The following DLGAP4 variants were observed in gnomAD, a reference collection of about 807,000 sequenced individuals.
The protein encoded by DLGAP4 is disks large-associated protein 4.
In DLGAP4, 18 loss-of-function variants were observed where a neutral mutation model predicts 86.9. The ratio of observed to expected loss-of-function variants is 0.21; its 90% CI spans 0.14 to 0.31. The LOEUF (loss-of-function observed/expected upper bound fraction) is 0.31. Ranked by LOEUF, DLGAP4 falls within the 10% of genes least tolerant of loss-of-function variation. The probability of loss-of-function intolerance (pLI) is 1.00; values close to 1 mark genes in which losing one functional copy is unlikely to be tolerated. For missense variants in DLGAP4, 1,085 were observed against 1,362.6 expected (o/e 0.80, Z 3.21); for synonymous variants, 548 against 574.3 (o/e 0.95, Z 0.65).
chr20:36,324,680 T>C (rs1282592129), intron 1 of DLGAP4, among the ~76,000 whole-genome samples: 2 of 152,220 alleles, frequency 1.3e-5, no homozygotes, highest in African/African-American at 4.8e-5. Context: ...TCCTCAGTTC[T>C]GTTCCATTGA....
intron 7 of DLGAP4, among the ~76,000 whole-genome samples, chr20:36,457,498 AG>A (rs2033908412): frequency 6.7e-6 from 1 of 150,204 alleles, no homozygotes; most frequent in Non-Finnish European, 1.5e-5. Flanking sequence ...CTCCTGCTTC[AG>A]CCTCCTGAGT....
At chr20:36,417,870 C>T (rs1281782995) in intron 2 of DLGAP4, among the ~76,000 whole-genome samples, 2 of 151,950 alleles carry the variant, frequency 1.3e-5, no homozygotes, top group African/African-American at 4.8e-5. Flanking sequence ...CTGAAACCTC[C>T]ACCTCCCAAG....
At chr20:36,523,485 A>C (rs1217344472) in intron 10 of DLGAP4, among the ~76,000 whole-genome samples, 1 of 152,194 alleles carries the variant, frequency 6.6e-6, no homozygotes, top group Non-Finnish European at 1.5e-5. Flanking sequence ...CTGCTCTCAG[A>C]GTTCTTAAAA....
At position 36,432,732 on chromosome 20, in the gene DLGAP4, G is replaced by T. The variant is rs1348614015; in HGVS notation, c.999+16G>T. The T allele has an allele frequency of 1.9e-6, 3 of 1,610,788 alleles. No homozygotes were observed. The highest frequency in any genetic ancestry group is 2.7e-5 in the African/African-American group (2 of 74,892). Reference sequence around the variant, plus strand: ...TTACCTGCAGGTGGGTCTCTGGCAGGGTCAGGGGTGGGATGAGGGCTCTGG... The same window carrying T: ...TTACCTGCAGGTGGGTCTCTGGCAGTGTCAGGGGTGGGATGAGGGCTCTGG... On this transcript the variant is annotated intron_variant, in intron 3 of 12. Coordinates refer to ENST00000339266, the MANE Select transcript of DLGAP4 (RefSeq NM_001365621.2). This position sits in a 1 kb window ranked among gnomAD's most constrained non-coding sequence, Gnocchi z 6.5.
rs903650409 is a variant in DLGAP4, at chr20:36,527,269, T to G, written c.*238T>G. Reference sequence around the variant, plus strand: ...CAAAAATCACGAAACTAGAAAACTTTTTTTTTCCTCTTGCTGGCCGTGGTG... The same window carrying G: ...CAAAAATCACGAAACTAGAAAACTTGTTTTTTCCTCTTGCTGGCCGTGGTG... On this transcript the variant is annotated 3_prime_UTR_variant, in exon 13 of 13. Transcript: ENST00000339266. 16 of 428,362 alleles carry G rather than the reference T, an allele frequency of 3.7e-5. No homozygotes were observed. The highest frequency in any genetic ancestry group is 8.0e-5 in the African/African-American group (4 of 49,932). The allele number at this position is 428,362 out of a possible 1,614,324, so 26.5% of individuals were successfully genotyped here.
intron 1 of DLGAP4, among the ~76,000 whole-genome samples, chr20:36,317,735 C>T (rs1157950698): frequency 9.2e-5 from 14 of 151,892 alleles, no homozygotes; most frequent in African/African-American, 3.1e-4. Context: ...GTTTTGTGGG[C>T]GTGAGCCACC....
chr20:36,520,993 C>T (rs900169286), intron 10 of DLGAP4, among the ~76,000 whole-genome samples: 5 of 152,122 alleles, frequency 3.3e-5, no homozygotes, highest in Non-Finnish European at 7.3e-5. Context: ...CCACCAAGCC[C>T]GGCTAATTTT....
chr20:36,340,879 C>A (rs2065372916), intron 1 of DLGAP4, among the ~76,000 whole-genome samples: 1 of 152,132 alleles, frequency 6.6e-6, no homozygotes, highest in Non-Finnish European at 1.5e-5. Context: ...GAGTCAGGCA[C>A]CACTCGTAGC....
At chr20:36,494,945 T>A (rs2035815186) in intron 7 of DLGAP4, among the ~76,000 whole-genome samples, 1 of 149,862 alleles carries the variant, frequency 6.7e-6, no homozygotes, top group South Asian at 2.1e-4. Flanking sequence ...AGACCTCATC[T>A]CTACCAAAAG....
chr20:36,316,227 A>AACC, intron 1 of DLGAP4, among the ~76,000 whole-genome samples: 1 of 152,278 alleles, frequency 6.6e-6, no homozygotes, highest in East Asian at 1.9e-4. Context: ...CAGGTTAAGT[A>AACC]ACCACATCCA....
At chr20:36,465,880 C>G (rs1004094502) in intron 7 of DLGAP4, among the ~76,000 whole-genome samples, 2 of 152,102 alleles carry the variant, frequency 1.3e-5, no homozygotes, top group African/African-American at 2.4e-5. Context: ...GTCCTCTTCC[C>G]CTATAGTGCC....
At chr20:36,449,603 T>C (rs1463606136) in intron 7 of DLGAP4, among the ~76,000 whole-genome samples, 1 of 152,146 alleles carries the variant, frequency 6.6e-6, no homozygotes. Flanking sequence ...AAAGGGGCCG[T>C]GGGTGAAGGA....
At chr20:36,493,047 C>A (rs1322934463) in intron 7 of DLGAP4, 2 of 152,068 alleles carry the variant, frequency 1.3e-5, no homozygotes, top group African/African-American at 2.4e-5. Flanking sequence ...CCATCCCCAC[C>A]CTACCCACAG....
intron 4 of DLGAP4, among the ~76,000 whole-genome samples, chr20:36,437,241 C>T (rs1052462815): frequency 6.6e-6 from 1 of 152,196 alleles, no homozygotes; most frequent in African/African-American, 2.4e-5. Context: ...ACCCCTTGAG[C>T]CCCACCCACA....
chr20:36,405,205 A>G (rs2032282717), intron 2 of DLGAP4, among the ~76,000 whole-genome samples: 1 of 152,204 alleles, frequency 6.6e-6, no homozygotes. Flanking sequence ...GGAGTCAGGA[A>G]GATGTGGATA....
intron 2 of DLGAP4, among the ~76,000 whole-genome samples, chr20:36,400,904 C>T (rs1421870737): frequency 6.6e-6 from 1 of 152,064 alleles, no homozygotes; most frequent in Admixed American, 6.6e-5. Context: ...TCACCGGGCG[C>T]TGGGGGGCCA....
At chr20:36,491,230 TG>T (rs1894103897) in intron 7 of DLGAP4, among the ~76,000 whole-genome samples, 1 of 150,878 alleles carries the variant, frequency 6.6e-6, no homozygotes, top group Non-Finnish European at 1.5e-5. Context: ...CATTCTGACC[TG>T]ATAAATACAG....
intron 7 of DLGAP4, among the ~76,000 whole-genome samples, chr20:36,478,248 A>G (rs2035032518): frequency 1.3e-5 from 2 of 152,168 alleles, no homozygotes. Context: ...ACCCCTGGAT[A>G]CAGCGTGAGG....
intron 9 of DLGAP4, 34 bp downstream of exon 9, chr20:36,499,710 C>T (rs1240475614): frequency 3.2e-6 from 5 of 1,562,162 alleles, no homozygotes; most frequent in East Asian, 2.3e-5. Context: ...TGCTTCTCCC[C>T]TCTCCTCTCC....
Sources: allele counts gnomAD v4.1 joint callset (sites outside exome capture counted in the v4.1 genomes callset), GRCh38; gene constraint gnomAD v4.1.1; non-coding constraint Gnocchi (gnomAD v3.1); transcripts MANE v1.5; gene names NCBI Gene and HGNC (gene_info 2026-07-23, HGNC 2026-07-21).